The following ELMOD1 variants were observed in gnomAD, a reference collection of about 807,000 sequenced individuals.
ELMOD1 encodes the protein ELMO domain containing 1.
In ELMOD1, 21 loss-of-function variants were observed where a neutral mutation model predicts 46.7. The observed-to-expected ratio is 0.45, with a 90% confidence interval of 0.32 to 0.65. The LOEUF (loss-of-function observed/expected upper bound fraction) is 0.65. ELMOD1 is among the 30% of genes least tolerant of loss of function. The probability of loss-of-function intolerance (pLI) is 0.04; values close to 1 mark genes in which losing one functional copy is unlikely to be tolerated. For missense variants in ELMOD1, 348 were observed against 407.8 expected (o/e 0.85, Z 1.26); for synonymous variants, 122 against 138.2 (o/e 0.88, Z 0.82).
At chr11:107,621,685 T>TCGCCCCA (rs57723188) in intron 2 of ELMOD1, among the ~76,000 whole-genome samples, 2 of 151,124 alleles carry the variant, frequency 1.3e-5, no homozygotes, top group Admixed American at 6.6e-5. Flanking sequence ...TTGTGTCACA[T>TCGCCCCA]TACCCCATTA....
At chr11:107,656,425 T>C (rs1461426561) in intron 11 of ELMOD1, among the ~76,000 whole-genome samples, 2 of 147,894 alleles carry the variant, frequency 1.4e-5, no homozygotes, top group South Asian at 2.1e-4. Flanking sequence ...ATATATTATA[T>C]ATATAAAAAT....
chr11:107,650,512 C>T, intron 8 of ELMOD1, 109 bp downstream of exon 8: 1 of 821,956 alleles, frequency 1.2e-6, no homozygotes, highest in Non-Finnish European at 2.0e-6. Context: ...AGGCTCAAAG[C>T]TTTTTCAAAC....
At chr11:107,627,787 T>C (rs1866067806) in intron 2 of ELMOD1, among the ~76,000 whole-genome samples, 1 of 152,186 alleles carries the variant, frequency 6.6e-6, no homozygotes, top group African/African-American at 2.4e-5. Context: ...TGAACGATCA[T>C]AAGGGTCGTC....
At chr11:107,660,962 G>A (rs534977079) in intron 11 of ELMOD1, among the ~76,000 whole-genome samples, 15 of 152,168 alleles carry the variant, frequency 9.9e-5, no homozygotes, top group South Asian at 4.2e-4. Context: ...TTTGTTCATC[G>A]GCAGATGAGT....
intron 1 of ELMOD1, among the ~76,000 whole-genome samples, chr11:107,616,607 G>A (rs1337512841): frequency 6.6e-6 from 1 of 152,144 alleles, no homozygotes; most frequent in Non-Finnish European, 1.5e-5. Context: ...TTGAACGCCT[G>A]ACCTCAAGTG....
intron 11 of ELMOD1, among the ~76,000 whole-genome samples, chr11:107,659,471 T>A (rs1055035950): frequency 1.3e-5 from 2 of 151,982 alleles, no homozygotes; most frequent in South Asian, 2.1e-4. Flanking sequence ...AGCTACAGAT[T>A]TGTGGTTCAT....
At chr11:107,664,252 TA>T (rs5794563) in intron 11 of ELMOD1, among the ~76,000 whole-genome samples, 34,287 of 148,306 alleles carry the variant, frequency 0.23, 7,730 homozygotes, top group African/African-American at 0.58. Context: ...TATCTAGTAT[TA>T]AAAAAAAAAC....
chr11:107,630,349 T>C lies in ELMOD1; in HGVS notation c.18-68T>C, dbSNP rs149234778. On this transcript the variant is annotated intron_variant, in intron 2 of 11. Transcript: ENST00000265840. Reference sequence around the variant, plus strand: ...TTTTCTCCTGGGCTTCTTTTCTTGCTGGTGGTGGCTGCTTTCTCTTCTCTT... The same window carrying C: ...TTTTCTCCTGGGCTTCTTTTCTTGCCGGTGGTGGCTGCTTTCTCTTCTCTT... The C allele has an allele frequency of 1.6e-4, 228 of 1,418,792 alleles. 1 individual carries two copies. In the African/African-American group the frequency reaches 2.9e-3, roughly 18 times the overall value. 87.9% of individuals were successfully genotyped at this position (1,418,792 alleles called of 1,614,324 possible).
At chr11:107,654,755 C>A (rs1030830682) in intron 10 of ELMOD1, among the ~76,000 whole-genome samples, 7 of 128,576 alleles carry the variant, frequency 5.4e-5, no homozygotes, top group African/African-American at 2.1e-4. Flanking sequence ...GGCGACAAAG[C>A]GAGACTCCGT....
At chr11:107,649,869 C>T (rs942204880) in intron 7 of ELMOD1, among the ~76,000 whole-genome samples, 1 of 152,158 alleles carries the variant, frequency 6.6e-6, no homozygotes, top group Non-Finnish European at 1.5e-5. Flanking sequence ...TATCTATGCT[C>T]AGTAAGATAT....
chr11:107,656,786 T>C (rs963992522), intron 11 of ELMOD1, among the ~76,000 whole-genome samples: 1 of 152,154 alleles, frequency 6.6e-6, no homozygotes, highest in African/African-American at 2.4e-5. Context: ...GTTCCGAAGA[T>C]AGCCTGAGTT....
intron 1 of ELMOD1, among the ~76,000 whole-genome samples, chr11:107,597,910 C>A (rs1437591039): frequency 6.6e-6 from 1 of 152,072 alleles, no homozygotes; most frequent in East Asian, 1.9e-4. Flanking sequence ...AGGCTTGTGT[C>A]CAAGTCCTAA....
rs141972488 is a variant in ELMOD1 at position 107,591,819 on chromosome 11, C to T, written c.-86+410C>T. ...GGGGCTGGTCTGGGTCCCTGGGAAC[C>T]CCTTGCCTTGTGGGCTTCGGTCTCC... On this transcript the variant is annotated intron_variant, in intron 1 of 11. Transcript: ENST00000265840. 587 of 471,854 alleles carry T rather than the reference C, an allele frequency of 1.2e-3. 2 individuals are homozygous for T. Among genetic ancestry groups the T allele is most frequent in the African/African-American group, 0.01 (516 of 50,244 alleles). 29.2% of individuals were successfully genotyped at this position (471,854 alleles called of 1,614,324 possible).
At chr11:107,638,417 C>G (rs1353202733) in intron 6 of ELMOD1, among the ~76,000 whole-genome samples, 1 of 152,156 alleles carries the variant, frequency 6.6e-6, no homozygotes, top group Non-Finnish European at 1.5e-5. Flanking sequence ...CTTCATTTTT[C>G]AGATGAGGAA....
chr11:107,614,104 C>T (rs1257256003), intron 1 of ELMOD1, among the ~76,000 whole-genome samples: 1 of 152,178 alleles, frequency 6.6e-6, no homozygotes, highest in Admixed American at 6.6e-5. Context: ...GTTCAACTCC[C>T]CCTTTTCCTT....
intron 11 of ELMOD1, among the ~76,000 whole-genome samples, chr11:107,663,741 G>A (rs2135721646): frequency 6.6e-6 from 1 of 152,234 alleles, no homozygotes; most frequent in East Asian, 1.9e-4. Context: ...ATTATGTTGA[G>A]CATTTTTCCA....
Position 107,665,213 on chromosome 11 carries a change from T to C in ELMOD1, c.*16T>C, listed in dbSNP as rs1194878125. On this transcript the variant is annotated 3_prime_UTR_variant, in exon 12 of 12. Transcript: ENST00000265840. ...CAACATGTAGTTGCCCACGCCGGTT[T>C]TAATGGATACCCTGGAACACTGCCT... is the stretch of plus-strand genomic sequence containing the variant. The C allele has an allele frequency of 9.3e-6, 15 of 1,612,756 alleles. No individual in the cohort carries two copies. The highest frequency in any genetic ancestry group is 3.3e-5 in the South Asian group (3 of 90,820).
At chr11:107,596,549 TG>T (rs1865495455) in intron 1 of ELMOD1, among the ~76,000 whole-genome samples, 1 of 152,144 alleles carries the variant, frequency 6.6e-6, no homozygotes, top group African/African-American at 2.4e-5. Context: ...TCCACTGAAA[TG>T]AGCAAAAACT....
intron 5 of ELMOD1, among the ~76,000 whole-genome samples, chr11:107,633,401 T>C (rs1866174378): frequency 6.6e-6 from 1 of 152,218 alleles, no homozygotes; most frequent in Non-Finnish European, 1.5e-5. Flanking sequence ...ATGGTGGCAC[T>C]AAAAATTACG....
Sources: gnomAD v4.1 joint callset for allele counts (sites outside exome capture counted in the v4.1 genomes callset) on GRCh38, gnomAD v4.1.1 for gene constraint, MANE v1.5 for transcripts, NCBI Gene and HGNC (gene_info 2026-07-23, HGNC 2026-07-21) for gene names.